The following NLGN1 variants were observed in gnomAD, a reference collection of about 807,000 sequenced individuals.
NLGN1 encodes neuroligin-1.
NLGN1 carries 12 observed loss-of-function variants against 65.5 expected under a neutral mutation model. The observed-to-expected ratio is 0.18, with a 90% CI of 0.12 to 0.30. The LOEUF (loss-of-function observed/expected upper bound fraction) is 0.30, where lower values mean the gene tolerates loss of function less well. Ranked by LOEUF, NLGN1 falls within the 10% of genes least tolerant of loss-of-function variation. The pLI is 1.00. For synonymous variants in NLGN1, 350 were observed against 359.5 expected (o/e 0.97, Z 0.30); for missense variants, 750 against 1,007.1 (o/e 0.74, Z 3.46).
At chr3:173,415,688 A>G (rs1401052172) in intron 1 of NLGN1, among the ~76,000 whole-genome samples, 1 of 152,188 alleles carries the variant, frequency 6.6e-6, no homozygotes, top group African/African-American at 2.4e-5. Context: ...ATTAAACTCT[A>G]TATGAATATA....
intron 4 of NLGN1, among the ~76,000 whole-genome samples, chr3:173,898,900 G>A (rs545381092): frequency 4.6e-5 from 7 of 151,880 alleles, no homozygotes; most frequent in South Asian, 2.1e-4. Flanking sequence ...ATTGTTTTGC[G>A]GACCATTCAG....
chr3:174,013,331 G>A (rs1725910687), intron 4 of NLGN1, among the ~76,000 whole-genome samples: 1 of 152,152 alleles, frequency 6.6e-6, no homozygotes, highest in Admixed American at 6.5e-5. Context: ...ATTTGCAAAT[G>A]ACTGCTATTC....
At chr3:174,264,054 C>T (rs1366482295) in intron 4 of NLGN1, among the ~76,000 whole-genome samples, 13 of 150,170 alleles carry the variant, frequency 8.7e-5, no homozygotes, top group African/African-American at 3.2e-4. Context: ...GAGAGATCCG[C>T]TGTTAGTCTG....
intron 4 of NLGN1, among the ~76,000 whole-genome samples, chr3:173,822,720 TA>T (rs1223762447): frequency 2.6e-5 from 4 of 152,202 alleles, no homozygotes; most frequent in Non-Finnish European, 5.9e-5. Flanking sequence ...TGGGTTTGAA[TA>T]AAAAAGAGCT....
At chr3:173,962,841 A>G (rs149609760) in intron 4 of NLGN1, among the ~76,000 whole-genome samples, 60 of 152,292 alleles carry the variant, frequency 3.9e-4, no homozygotes, top group African/African-American at 1.4e-3. Flanking sequence ...TCTGTCTGCA[A>G]TTCTAAATTA....
chr3:174,172,536 G>A (rs1260599284), intron 4 of NLGN1, among the ~76,000 whole-genome samples: 1 of 152,018 alleles, frequency 6.6e-6, no homozygotes, highest in African/African-American at 2.4e-5. Flanking sequence ...TTTGCATATA[G>A]GTGTCCAATT....
chr3:174,003,641 ATC>A (rs1297167764), intron 4 of NLGN1, among the ~76,000 whole-genome samples: 3 of 152,130 alleles, frequency 2.0e-5, no homozygotes, highest in Admixed American at 2.0e-4. Flanking sequence ...ACTCTAACAT[ATC>A]TCTCTCTGTA....
chr3:174,155,070 A>G (rs1725190782), intron 4 of NLGN1, among the ~76,000 whole-genome samples: 1 of 118,722 alleles, frequency 8.4e-6, no homozygotes, highest in Non-Finnish European at 1.6e-5. Context: ...TAAAATATTT[A>G]TATTATTTTA....
rs187769869 is a variant in NLGN1, at chr3:173,917,510, G to T, written c.646+109678G>T. ...ATACAGATACTGATACTTTTCTTAAGAAAATAGCAAAACCAGAACTTAGAT... is the reference window on the plus strand; with the variant it reads ...ATACAGATACTGATACTTTTCTTAATAAAATAGCAAAACCAGAACTTAGAT... On this transcript the variant is annotated intron_variant, in intron 4 of 6. Transcript: ENST00000457714. Among the ~76,000 whole-genome samples the T allele has an allele frequency of 2.8e-4, 43 of 152,206 alleles. 2 individuals are homozygous for T. The highest frequency in any genetic ancestry group is 2.4e-3 in the Admixed American group (36 of 15,280).
chr3:173,692,613 T>TATACTACTTTAG (rs1765634523), intron 3 of NLGN1, among the ~76,000 whole-genome samples: 1 of 152,062 alleles, frequency 6.6e-6, no homozygotes, highest in Non-Finnish European at 1.5e-5. Context: ...ACTTTAGTGT[T>TATACTACTTTAG]TATATTGAGT....
intron 4 of NLGN1, among the ~76,000 whole-genome samples, chr3:174,044,924 A>G (rs1405532313): frequency 6.6e-6 from 1 of 152,026 alleles, no homozygotes; most frequent in African/African-American, 2.4e-5. Flanking sequence ...TCCTGCCATC[A>G]TGTGAAGAAG....
At chr3:173,921,755 C>G (rs1045266406) in intron 4 of NLGN1, among the ~76,000 whole-genome samples, 2 of 152,106 alleles carry the variant, frequency 1.3e-5, no homozygotes, top group African/African-American at 2.4e-5. Flanking sequence ...CCTTCTTCTA[C>G]GTATAAAACC....
At chr3:173,448,978 G>T (rs554925692) in intron 2 of NLGN1, among the ~76,000 whole-genome samples, 1 of 151,742 alleles carries the variant, frequency 6.6e-6, no homozygotes, top group South Asian at 2.1e-4. Flanking sequence ...TCTTGCCAGC[G>T]GTCTATCAAT....
At chr3:173,729,262 AAAAAC>A (rs1186857570) in intron 3 of NLGN1, among the ~76,000 whole-genome samples, 3 of 152,086 alleles carry the variant, frequency 2.0e-5, no homozygotes, top group Admixed American at 1.3e-4. Flanking sequence ...AAAATTCTCG[AAAAAC>A]AAAACAAAAC....
chr3:174,161,055 C>A (rs905413483), intron 4 of NLGN1, among the ~76,000 whole-genome samples: 1 of 151,780 alleles, frequency 6.6e-6, no homozygotes, highest in Non-Finnish European at 1.5e-5. Flanking sequence ...TTTCTATAGT[C>A]ATTTCTGTTT....
chr3:173,627,144 T>A (rs1754949542), intron 3 of NLGN1, among the ~76,000 whole-genome samples: 2 of 152,240 alleles, frequency 1.3e-5, no homozygotes, highest in South Asian at 4.1e-4. Flanking sequence ...GAGGTATAAT[T>A]GACAAACAAA....
At chr3:173,928,164 A>T (rs1446170417) in intron 4 of NLGN1, among the ~76,000 whole-genome samples, 1 of 152,216 alleles carries the variant, frequency 6.6e-6, no homozygotes, top group Non-Finnish European at 1.5e-5. Context: ...CCTATTGTTA[A>T]TCTTATAAAT....
chr3:173,651,257 C>A lies in NLGN1; in HGVS notation c.493+46166C>A, dbSNP rs114670156. On this transcript the variant is annotated intron_variant, in intron 3 of 6. Transcript: ENST00000457714. Reference sequence around the variant, plus strand: ...AGTTCTATCCATGTATGATTTCATTCTTTATATGGCTGAATAGTATCCCAT... The same window carrying A: ...AGTTCTATCCATGTATGATTTCATTATTTATATGGCTGAATAGTATCCCAT... Among the ~76,000 whole-genome samples the A allele has an allele frequency of 6.4e-3, 962 of 151,290 alleles. 14 individuals carry two copies. Among genetic ancestry groups the A allele is most frequent in the African/African-American group, 0.022 (916 of 41,284 alleles).
chr3:174,187,860 G>T (rs1561247310), intron 4 of NLGN1, among the ~76,000 whole-genome samples: 1 of 151,972 alleles, frequency 6.6e-6, no homozygotes, highest in East Asian at 1.9e-4. Context: ...GTAATATTGT[G>T]GGTTTGTTGG....
Sources: allele counts gnomAD v4.1 joint callset (sites outside exome capture counted in the v4.1 genomes callset), GRCh38; gene constraint gnomAD v4.1.1; transcripts MANE v1.5; gene names NCBI Gene and HGNC (gene_info 2026-07-23, HGNC 2026-07-21).